The following SERPINE2 variants were observed in gnomAD, a reference collection of about 807,000 sequenced individuals.
The protein encoded by SERPINE2 is glia-derived nexin.
In SERPINE2, 14 loss-of-function variants were observed where a neutral mutation model predicts 36.3. The ratio of observed to expected loss-of-function variants is 0.39; its 90% CI spans 0.25 to 0.60. SERPINE2 has a LOEUF of 0.60. Among genes scored for constraint, SERPINE2 ranks in the 20% least tolerant of loss-of-function variants. The pLI is 0.57. For synonymous variants in SERPINE2, 192 were observed against 191.8 expected (o/e 1.00, Z -0.01); for missense variants, 418 against 499.6 (o/e 0.84, Z 1.56).
rs374860468 is a variant in SERPINE2, at chr2:223,998,305, G to T, written c.297C>A (p.Ile99=). The change falls in exon 3 of 9, where the codon ATC becomes ATA. Residue 99 remains isoleucine (I), a synonymous_variant. Transcript: ENST00000409304. ...CAATGTCTTTATTCTTCTTGGAGAC[G>T]ATGGCCTTGTTGATCTTCTTTAATA... ...GKILKKINKA[I]VSKKNKDIVT... The T allele has an allele frequency of 3.7e-6, 6 of 1,613,862 alleles. No homozygotes were observed. The highest frequency in any genetic ancestry group is 4.5e-5 in the East Asian group (2 of 44,876).
Position 224,025,479 on chromosome 2 carries a change from C to T in SERPINE2, c.-23+13620G>A, listed in dbSNP as rs151027228. On this transcript the variant is annotated intron_variant, in intron 1 of 8. Coordinates refer to ENST00000409304, the MANE Select transcript of SERPINE2 (RefSeq NM_001136528.2). ...AGATAAGACAGCCCTCTTCTTTTCC[C>T]AATGAGAAAATCCCTACCCCCTACA... Among the ~76,000 whole-genome samples, 1,312 of 152,312 alleles carry T rather than the reference C, an allele frequency of 8.6e-3. 15 individuals are homozygous for T. Among genetic ancestry groups the T allele is most frequent in the South Asian group, 0.013 (62 of 4,824 alleles).
rs1322766866 is a variant in SERPINE2, at chr2:223,991,936, G to A, written c.552C>T (p.Val184=). Residue 184 remains valine (V), a synonymous_variant, in exon 4 of 9, where the codon GTC becomes GTT. Transcript: ENST00000409304. ...IDGVLTRLVL[V]NAVYFKGLWK... is the part of the protein sequence containing the mutation. ...ACAGACCCTTGAAATACACTGCGTTGACGAGGACCAGTCTGGTGAGCACAC... is the reference window on the plus strand; with the variant it reads ...ACAGACCCTTGAAATACACTGCGTTAACGAGGACCAGTCTGGTGAGCACAC... 1.9e-6 allele frequency: 3 copies of A among 1,613,570 alleles called. No homozygotes were observed. Among genetic ancestry groups the A allele is most frequent in the Non-Finnish European group, 8.5e-7 (1 of 1,179,776 alleles).
intron 1 of SERPINE2, among the ~76,000 whole-genome samples, chr2:224,003,634 G>A (rs1691279242): frequency 1.3e-5 from 2 of 152,114 alleles, no homozygotes; most frequent in Admixed American, 1.3e-4. Flanking sequence ...AGCTTTCTCT[G>A]GCTATGACAA....
In SERPINE2 at chr2:223,975,558, A is replaced by T; in HGVS notation, c.*309T>A. 3.7e-6 allele frequency: 1 copy of T among 268,964 alleles called. No individual in the cohort carries two copies. The highest frequency in any genetic ancestry group is 6.9e-6 in the Non-Finnish European group (1 of 145,256). The allele number at this position is 268,964 out of a possible 1,614,324, so 16.7% of individuals were successfully genotyped here. On this transcript the variant is annotated 3_prime_UTR_variant, in exon 9 of 9. Coordinates refer to ENST00000409304, the MANE Select transcript of SERPINE2 (RefSeq NM_001136528.2). ...AGACAAAACAAAACAAAAATTCCTGAACTGGACAAACAGCAAATACTCAAC... is the reference window on the plus strand; with the variant it reads ...AGACAAAACAAAACAAAAATTCCTGTACTGGACAAACAGCAAATACTCAAC...
chr2:223,999,042 C>G lies in SERPINE2; in HGVS notation c.260-700G>C, dbSNP rs143026134. On this transcript the variant is annotated intron_variant, in intron 2 of 8. Transcript: ENST00000409304. ...AATGCTTTCTCTCTTTCTTGTCTAA[C>G]GTTATTAAGTGCTACTTCCTTTCTT... Among the ~76,000 whole-genome samples the G allele has an allele frequency of 5.3e-3, 813 of 152,188 alleles. 6 individuals carry two copies. Among genetic ancestry groups the G allele is most frequent in the African/African-American group, 0.018 (763 of 41,524 alleles).
chr2:223,979,981 G>A, intron 7 of SERPINE2: 1 of 187,606 alleles, frequency 5.3e-6, no homozygotes, highest in Non-Finnish European at 1.1e-5. Context: ...CTGTTTTCAT[G>A]CTACAGTGAA....
chr2:224,011,169 A>G (rs950193250), intron 1 of SERPINE2, among the ~76,000 whole-genome samples: 20 of 152,290 alleles, frequency 1.3e-4, no homozygotes, highest in Admixed American at 3.9e-4. Context: ...TCTTTTTGAT[A>G]TGTCTTTAAG....
At chr2:223,988,064 CG>C in intron 4 of SERPINE2, among the ~76,000 whole-genome samples, 1 of 152,132 alleles carries the variant, frequency 6.6e-6, no homozygotes, top group Middle Eastern at 3.4e-3. Context: ...AAAGGGAGTT[CG>C]GGGACAGTAG....
At position 224,004,310 on chromosome 2, in the gene SERPINE2, C is replaced by T. The variant is rs1014862704; in HGVS notation, c.-22-2388G>A. ...CCCCACTGTGAACCACTGAGGCCATCCTTCCAGCTGATGTTGCAAGTTTCT... is the reference window on the plus strand; with the variant it reads ...CCCCACTGTGAACCACTGAGGCCATTCTTCCAGCTGATGTTGCAAGTTTCT... On this transcript the variant is annotated intron_variant, in intron 1 of 8. Coordinates refer to ENST00000409304, the MANE Select transcript of SERPINE2 (RefSeq NM_001136528.2). 4.1e-4 allele frequency among the ~76,000 whole-genome samples: 62 copies of T among 152,204 alleles called. 1 individual carries two copies. The highest frequency in any genetic ancestry group is 8.8e-5 in the Non-Finnish European group (6 of 68,048).
At chr2:224,008,397 T>G (rs1043056577) in intron 1 of SERPINE2, among the ~76,000 whole-genome samples, 10 of 152,222 alleles carry the variant, frequency 6.6e-5, no homozygotes, top group African/African-American at 2.4e-4. Context: ...GCAGGACAAA[T>G]TCTTCATTCA....
chr2:223,977,631 C>G lies in SERPINE2; in HGVS notation c.1073-4G>C, dbSNP rs567218200. The G allele has an allele frequency of 6.2e-7, 1 of 1,607,202 alleles. No homozygotes were observed. Among genetic ancestry groups the G allele is most frequent in the African/African-American group, 1.3e-5 (1 of 74,736 alleles). ...GATCTTGCAATGAGAATTGCAGCTA[C>G]GGGAAGAAAAGGAAAATGTGTTGTG... On this transcript the variant is annotated splice_polypyrimidine_tract_variant and splice_region_variant and intron_variant, in intron 7 of 8. Coordinates refer to ENST00000409304, the MANE Select transcript of SERPINE2 (RefSeq NM_001136528.2).
chr2:224,038,605 C>G (rs771205082), intron 1 of SERPINE2: 4 of 1,027,320 alleles, frequency 3.9e-6, no homozygotes, highest in Non-Finnish European at 6.0e-6. Flanking sequence ...TTTCCCCACA[C>G]CGCGCGTCAC....
chr2:224,013,208 C>T (rs1201540449), intron 1 of SERPINE2, among the ~76,000 whole-genome samples: 1 of 152,144 alleles, frequency 6.6e-6, no homozygotes, highest in East Asian at 1.9e-4. Context: ...GAAATAGGAA[C>T]GTGGGAGCTG....
intron 6 of SERPINE2, chr2:223,981,898 A>C (rs1485788520): frequency 2.6e-5 from 4 of 152,154 alleles, no homozygotes; most frequent in Admixed American, 6.5e-5. Flanking sequence ...ACAGTGAATG[A>C]CTGCAGTCTT....
chr2:224,015,374 A>G (rs1691767638), intron 1 of SERPINE2, among the ~76,000 whole-genome samples: 1 of 152,188 alleles, frequency 6.6e-6, no homozygotes, highest in South Asian at 2.1e-4. Flanking sequence ...GAAGGGCCAC[A>G]TGGGCAGACA....
In SERPINE2 at chr2:224,026,133, C is replaced by T. The variant is rs182224136; in HGVS notation, c.-23+12966G>A. 1.1e-3 allele frequency among the ~76,000 whole-genome samples: 174 copies of T among 152,314 alleles called. 1 individual carries two copies. The highest frequency in any genetic ancestry group is 0.01 in the Admixed American group (157 of 15,308). On this transcript the variant is annotated intron_variant, in intron 1 of 8. Coordinates refer to ENST00000409304, the MANE Select transcript of SERPINE2 (RefSeq NM_001136528.2). ...TCCGCCAGTTCAATGCTGACAAGTA[C>T]GTGACCTTAGCAGCTGCCTGTTAAA...
chr2:223,998,266 G>A lies in SERPINE2; in HGVS notation c.336C>T (p.Asn112=), dbSNP rs750809369. ...CAGAGGCATTCTTAACAAACACGGC[G>A]TTAGCCACTGTCACAATGTCTTTAT... ...KKNKDIVTVA[N]AVFVKNASEI... The change falls in exon 3 of 9, where the codon AAC becomes AAT. Residue 112 remains asparagine (N), a synonymous_variant. Transcript: ENST00000409304. 15 of 1,614,016 alleles carry A rather than the reference G, an allele frequency of 9.3e-6. No homozygotes were observed. The highest frequency in any genetic ancestry group is 6.7e-5 in the East Asian group (3 of 44,892).
chr2:224,030,910 G>A, intron 1 of SERPINE2: 1 of 967,660 alleles, frequency 1.0e-6, no homozygotes, highest in Non-Finnish European at 1.2e-6. Flanking sequence ...TTCAGTCCCA[G>A]AAAAAAACAA....
intron 1 of SERPINE2, among the ~76,000 whole-genome samples, chr2:224,012,478 T>C (rs1212972606): frequency 6.6e-6 from 1 of 151,802 alleles, no homozygotes; most frequent in African/African-American, 2.4e-5. Context: ...TGGCGGGTGC[T>C]TGTAGTGCCA....
Sources: gnomAD v4.1 joint callset for allele counts (sites outside exome capture counted in the v4.1 genomes callset) on GRCh38, gnomAD v4.1.1 for gene constraint, MANE v1.5 for transcripts, NCBI Gene and HGNC (gene_info 2026-07-23, HGNC 2026-07-21) for gene names.